SCARB1: variants seen among roughly 807,000 people sequenced by gnomAD.
SCARB1 encodes scavenger receptor class B member 1.
SCARB1 carries 30 observed loss-of-function variants against 57.2 expected under a neutral mutation model. The ratio of observed to expected loss-of-function variants is 0.52; its 90% CI spans 0.39 to 0.71. SCARB1 has a LOEUF of 0.71. Ranked by LOEUF, SCARB1 falls within the 30% of genes least tolerant of loss-of-function variation. SCARB1 has a pLI of 0.00. For synonymous variants in SCARB1, 249 were observed against 268.3 expected (o/e 0.93, Z 0.70); for missense variants, 543 against 671.2 (o/e 0.81, Z 2.11).
intron 4 of SCARB1, among the ~76,000 whole-genome samples, chr12:124,813,473 G>T (rs1326541160): frequency 6.6e-6 from 1 of 152,158 alleles, no homozygotes; most frequent in South Asian, 2.1e-4. Context: ...ACAGCCTACC[G>T]CTAGACTTTT....
chr12:124,851,561 C>G (rs1952400668), intron 1 of SCARB1, among the ~76,000 whole-genome samples: 1 of 151,994 alleles, frequency 6.6e-6, no homozygotes, highest in African/African-American at 2.4e-5. Flanking sequence ...CTGACTCAGC[C>G]TCGCACAGTC....
At chr12:124,791,061 G>C (rs563629003) in intron 9 of SCARB1, among the ~76,000 whole-genome samples, 1 of 152,308 alleles carries the variant, frequency 6.6e-6, no homozygotes, top group African/African-American at 2.4e-5. Flanking sequence ...CCAGCCCCTA[G>C]TAAAAACCCT....
intron 12 of SCARB1, among the ~76,000 whole-genome samples, chr12:124,780,078 G>A (rs1270854222): frequency 6.6e-6 from 1 of 152,234 alleles, no homozygotes; most frequent in African/African-American, 2.4e-5. Context: ...AAAACCCGCA[G>A]GTGCCAGAGG....
Position 124,810,398 on chromosome 12 carries a change from T to C in SCARB1, c.727-109A>G. 1 of 757,484 alleles carries C rather than the reference T, an allele frequency of 1.3e-6. No homozygotes were observed. 46.9% of individuals were successfully genotyped at this position (757,484 alleles called of 1,614,324 possible). A position where few individuals can be genotyped will look rare whatever the true frequency, so the allele number is the denominator to read the frequency against. On this transcript the variant is annotated intron_variant, in intron 5 of 12. Coordinates refer to ENST00000261693, the MANE Select transcript of SCARB1 (RefSeq NM_005505.5). The surrounding 1 kb of genome is among the most constrained non-coding windows in gnomAD (Gnocchi z 4.0). ...CCCTGGTGCACGCACGGCCACTCAA[T>C]TCCCAATACTGGCACGGTGGGAAGA...
chr12:124,857,861 T>C (rs1019073411), intron 1 of SCARB1, among the ~76,000 whole-genome samples: 34 of 152,144 alleles, frequency 2.2e-4, no homozygotes, highest in African/African-American at 8.2e-4. Context: ...CTCCTGGACA[T>C]GGAAGAAGGC....
intron 1 of SCARB1, chr12:124,839,214 A>G (rs1594356195): frequency 2.2e-6 from 1 of 454,890 alleles, no homozygotes; most frequent in Admixed American, 2.4e-5. Context: ...AGAGCTCTGC[A>G]CCCCCTCTCC....
intron 9 of SCARB1, among the ~76,000 whole-genome samples, chr12:124,792,197 G>A (rs838862): frequency 0.023 from 3,474 of 152,246 alleles, 154 homozygotes; most frequent in African/African-American, 0.079. Flanking sequence ...TAGCGAGCAA[G>A]GAGCACAGAA....
chr12:124,780,266 G>A (rs1268686989), intron 12 of SCARB1, among the ~76,000 whole-genome samples: 1 of 152,096 alleles, frequency 6.6e-6, no homozygotes, highest in Admixed American at 6.5e-5. Context: ...AAAGGACCCA[G>A]CTGAAGGGTT....
In SCARB1 at chr12:124,800,191, A is replaced by G. The variant is rs1189828566; in HGVS notation, c.1061T>C (p.Leu354Pro). Reference sequence around the variant, plus strand: ...GTGCAGGCCAGTCACCGCTTCTGCCAGAACCGGGTCAGCGTTGAGGAAGTG... The same window carrying G: ...GTGCAGGCCAGTCACCGCTTCTGCCGGAACCGGGTCAGCGTTGAGGAAGTG... ...HPHFLNADPVLAEAVTGLHPN... is the reference protein window; with the variant it reads ...HPHFLNADPVPAEAVTGLHPN... Residue 354 changes from leucine (L) to proline (P), a missense_variant, in exon 8 of 13, where the codon CTG (leucine) becomes CCG (proline). By Grantham distance (98) the Leu-to-Pro change is moderately conservative. Coordinates refer to ENST00000261693, the MANE Select transcript of SCARB1 (RefSeq NM_005505.5). This position sits in a 1 kb window ranked among gnomAD's most constrained non-coding sequence, Gnocchi z 4.8. 1.9e-6 allele frequency: 3 copies of G among 1,614,138 alleles called. No individual in the cohort carries two copies. Among genetic ancestry groups the G allele is most frequent in the Non-Finnish European group, 2.5e-6 (3 of 1,179,972 alleles).
Position 124,804,104 on chromosome 12 carries a change from G to A in SCARB1, c.1009+3657C>T, listed in dbSNP as rs564491577. ...TCAGCCTTGTGCTTGGAGTGGGGCCGGCCCACCCAGGAGCCATCTGAGCAT... is the reference window on the plus strand; with the variant it reads ...TCAGCCTTGTGCTTGGAGTGGGGCCAGCCCACCCAGGAGCCATCTGAGCAT... On this transcript the variant is annotated intron_variant, in intron 7 of 12. Transcript: ENST00000261693. Among the ~76,000 whole-genome samples, 12 of 152,220 alleles carry A rather than the reference G, an allele frequency of 7.9e-5. No individual in the cohort carries two copies. The South Asian group carries it at 8.3e-4, about 11-fold the overall frequency.
At chr12:124,825,407 A>C (rs1951114791) in intron 1 of SCARB1, among the ~76,000 whole-genome samples, 1 of 152,114 alleles carries the variant, frequency 6.6e-6, no homozygotes, top group African/African-American at 2.4e-5. Flanking sequence ...ACGGGGGCTC[A>C]CGCCTGTGAT....
rs146586338 is a variant in SCARB1, at chr12:124,779,169, G to A, written c.*1-583C>T. ...GGTCTATGTTGCCCAGGCTGGTCTC[G>A]AACTCCTGGGCTCAGGCGATCCTCT... On this transcript the variant is annotated intron_variant, in intron 12 of 12. Transcript: ENST00000261693. Among the ~76,000 whole-genome samples the A allele has an allele frequency of 9.3e-4, 141 of 152,168 alleles. 9 individuals are homozygous for A. The highest frequency in any genetic ancestry group is 7.4e-5 in the Non-Finnish European group (5 of 68,010).
chr12:124,852,710 A>G (rs1042163936), intron 1 of SCARB1, among the ~76,000 whole-genome samples: 7 of 152,248 alleles, frequency 4.6e-5, no homozygotes, highest in Non-Finnish European at 8.8e-5. Context: ...AGAGACTATT[A>G]AGGGCTCAGA....
At chr12:124,859,624 CT>C (rs1362439616) in intron 1 of SCARB1, among the ~76,000 whole-genome samples, 1 of 152,182 alleles carries the variant, frequency 6.6e-6, no homozygotes, top group East Asian at 1.9e-4. Context: ...AGAGTAGCCA[CT>C]TCTGTTAGTC....
intron 4 of SCARB1, among the ~76,000 whole-genome samples, chr12:124,813,628 C>T (rs995101286): frequency 6.6e-6 from 1 of 152,198 alleles, no homozygotes; most frequent in African/African-American, 2.4e-5. Context: ...CTCATTTACC[C>T]ACACGACAGG....
rs838890 is a variant in SCARB1, at chr12:124,782,955, G to A, written c.1402-144C>T. ...CCAACAACCCTCAACGATTGCAGGT[G>A]GCTGAGATGTGGGGAGCTGCCGCTC... On this transcript the variant is annotated intron_variant, in intron 11 of 12. Transcript: ENST00000261693. 2.2e-3 allele frequency: 1,792 copies of A among 801,428 alleles called. 15 individuals are homozygous for A. In the African/African-American group the frequency reaches 0.024, roughly 11 times the overall value. 49.6% of individuals were successfully genotyped at this position (801,428 alleles called of 1,614,324 possible).
chr12:124,808,040 C>G lies in SCARB1; in HGVS notation c.843-113G>C, dbSNP rs983643113. On this transcript the variant is annotated intron_variant, in intron 6 of 12. Transcript: ENST00000261693. ...TCTCCCCACGGGCGCTACCACCTCC[C>G]GGGTCCAAACCGCCCCCATCTCTCA... 1.2e-5 allele frequency: 12 copies of G among 1,019,308 alleles called. No homozygotes were observed. In the Admixed American group the frequency reaches 1.7e-4, roughly 15 times the overall value. The allele number at this position is 1,019,308 out of a possible 1,614,324, so 63.1% of individuals were successfully genotyped here.
intron 1 of SCARB1, among the ~76,000 whole-genome samples, chr12:124,857,508 G>C (rs948596245): frequency 6.6e-6 from 1 of 152,186 alleles, no homozygotes; most frequent in Non-Finnish European, 1.5e-5. Context: ...GTGAGCTAAA[G>C]AGCCTGAGGC....
At chr12:124,821,971 C>T (rs1289455617) in intron 1 of SCARB1, among the ~76,000 whole-genome samples, 1 of 152,198 alleles carries the variant, frequency 6.6e-6, no homozygotes, top group South Asian at 2.1e-4. Flanking sequence ...AGGTCAAAGA[C>T]CATGGCCCTG....
Sources: allele counts gnomAD v4.1 joint callset (sites outside exome capture counted in the v4.1 genomes callset), GRCh38; gene constraint gnomAD v4.1.1; non-coding constraint Gnocchi (gnomAD v3.1); transcripts MANE v1.5; gene names NCBI Gene and HGNC (gene_info 2026-07-23, HGNC 2026-07-21).